The following EPHB1 variants were observed in gnomAD, a reference collection of about 807,000 sequenced individuals.
EPHB1 encodes EPH receptor B1.
A neutral mutation model predicts 94.4 loss-of-function variants in EPHB1; 30 were observed. That is an observed-to-expected ratio of 0.32 (90% CI 0.24 to 0.43). The LOEUF is 0.43. Among genes scored for constraint, EPHB1 ranks in the 20% least tolerant of loss-of-function variants. EPHB1 has a pLI of 1.00. For synonymous variants in EPHB1, 522 were observed against 489.1 expected (o/e 1.07, Z -0.89); for missense variants, 1,055 against 1,308.3 (o/e 0.81, Z 2.99).
intron 5 of EPHB1, among the ~76,000 whole-genome samples, chr3:135,152,298 A>T (rs1941218686): frequency 6.6e-6 from 1 of 152,252 alleles, no homozygotes; most frequent in Non-Finnish European, 1.5e-5. Context: ...ATAACTTTCA[A>T]ATAAAGATCG....
chr3:135,039,322 C>T (rs1011755668), intron 3 of EPHB1, among the ~76,000 whole-genome samples: 5 of 152,232 alleles, frequency 3.3e-5, no homozygotes, highest in Admixed American at 1.3e-4. Context: ...GATATAAAGA[C>T]TCTCCACGTC....
At chr3:134,873,407 A>G (rs891925108) in intron 1 of EPHB1, among the ~76,000 whole-genome samples, 2 of 152,186 alleles carry the variant, frequency 1.3e-5, no homozygotes, top group East Asian at 3.8e-4. Flanking sequence ...AATTTATATG[A>G]CCTAGATGGT....
chr3:135,205,130 A>AT (rs1942867709), intron 12 of EPHB1, among the ~76,000 whole-genome samples: 1 of 151,984 alleles, frequency 6.6e-6, no homozygotes, highest in Non-Finnish European at 1.5e-5. Flanking sequence ...GGATCTCATT[A>AT]TTTTTTATGG....
At chr3:135,242,931 C>T (rs1293294985) in intron 13 of EPHB1, among the ~76,000 whole-genome samples, 1 of 151,916 alleles carries the variant, frequency 6.6e-6, no homozygotes, top group East Asian at 1.9e-4. Context: ...TACAAATTAG[C>T]CAGGTATGGT....
chr3:135,157,412 C>G (rs1390578813), intron 6 of EPHB1, among the ~76,000 whole-genome samples: 1 of 152,194 alleles, frequency 6.6e-6, no homozygotes, highest in Non-Finnish European at 1.5e-5. Context: ...TACAGCTTTC[C>G]CTTGAAAACT....
chr3:135,015,001 C>T (rs1935745241), intron 3 of EPHB1, among the ~76,000 whole-genome samples: 1 of 152,092 alleles, frequency 6.6e-6, no homozygotes, highest in African/African-American at 2.4e-5. Context: ...ACAAAAGGAC[C>T]CTGGGCTGCA....
chr3:134,934,711 G>A (rs1314092453), intron 2 of EPHB1, among the ~76,000 whole-genome samples: 1 of 150,152 alleles, frequency 6.7e-6, no homozygotes, highest in African/African-American at 2.4e-5. Context: ...AGGGGAGTGG[G>A]AGAGAGAAAG....
chr3:135,249,264 G>C (rs1384069935), intron 14 of EPHB1, 72 bp from the exon 15 acceptor site: 1 of 1,515,108 alleles, frequency 6.6e-7, no homozygotes, highest in Non-Finnish European at 8.9e-7. Flanking sequence ...GAAGTCAGCT[G>C]TCAGGCCAGA....
intron 3 of EPHB1, among the ~76,000 whole-genome samples, chr3:135,060,782 G>A (rs975659047): frequency 3.3e-5 from 5 of 151,980 alleles, no homozygotes; most frequent in African/African-American, 1.2e-4. Flanking sequence ...TATCCTTTGT[G>A]TTATAAACAA....
At chr3:135,021,155 G>A (rs1183567712) in intron 3 of EPHB1, among the ~76,000 whole-genome samples, 4 of 151,958 alleles carry the variant, frequency 2.6e-5, no homozygotes, top group Non-Finnish European at 5.9e-5. Context: ...TAATTCCTTT[G>A]CCTATTCATT....
intron 2 of EPHB1, among the ~76,000 whole-genome samples, chr3:134,941,745 G>GCACACACA (rs1491550727): frequency 8.6e-5 from 8 of 92,712 alleles, no homozygotes; most frequent in South Asian, 7.3e-4. Context: ...CTTTACATAT[G>GCACACACA]CACACAGACA....
At chr3:134,835,601 C>T (rs1327753230) in intron 1 of EPHB1, among the ~76,000 whole-genome samples, 2 of 152,178 alleles carry the variant, frequency 1.3e-5, no homozygotes, top group South Asian at 2.1e-4. Context: ...AAGCAGGAGC[C>T]AAGATTCCAG....
At chr3:135,122,796 A>C (rs778858500) in intron 4 of EPHB1, among the ~76,000 whole-genome samples, 1 of 152,338 alleles carries the variant, frequency 6.6e-6, no homozygotes, top group East Asian at 1.9e-4. Context: ...AATGTGTAGC[A>C]CTAGGCTCTT....
intron 3 of EPHB1, among the ~76,000 whole-genome samples, chr3:134,999,582 C>G (rs1935109389): frequency 6.6e-6 from 1 of 152,198 alleles, no homozygotes; most frequent in South Asian, 2.1e-4. Context: ...GAGCTGCTCA[C>G]TCCTCACCTC....
At position 135,228,491 on chromosome 3, in the gene EPHB1, T is replaced by C. The variant is rs1297257832; in HGVS notation, c.2347-12657T>C. 2.6e-5 allele frequency among the ~76,000 whole-genome samples: 4 copies of C among 152,212 alleles called. No homozygotes were observed. In the East Asian group the frequency reaches 5.8e-4, roughly 22 times the overall value. On this transcript the variant is annotated intron_variant, in intron 12 of 15. Coordinates refer to ENST00000398015, the MANE Select transcript of EPHB1 (RefSeq NM_004441.5). ...TTATATTCTTGCATAGCTTACGAGA[T>C]TTGCCCATTTTCACATCCTCTTCCT...
At chr3:134,910,012 A>C (rs539777381) in intron 1 of EPHB1, among the ~76,000 whole-genome samples, 1 of 152,196 alleles carries the variant, frequency 6.6e-6, no homozygotes, top group Non-Finnish European at 1.5e-5. Flanking sequence ...GCTGCCTCCT[A>C]GTCCATTCCC....
intron 1 of EPHB1, among the ~76,000 whole-genome samples, chr3:134,866,010 A>C (rs2037369109): frequency 6.6e-6 from 1 of 152,222 alleles, no homozygotes; most frequent in Non-Finnish European, 1.5e-5. Flanking sequence ...GCAGATGGTT[A>C]ACGGGAAAGG....
chr3:134,808,787 A>G (rs1162925287), intron 1 of EPHB1, among the ~76,000 whole-genome samples: 12 of 152,210 alleles, frequency 7.9e-5, no homozygotes. Context: ...TCAAATTTAA[A>G]GTGCTGAATA....
At chr3:135,046,589 T>G (rs1937007610) in intron 3 of EPHB1, among the ~76,000 whole-genome samples, 1 of 152,200 alleles carries the variant, frequency 6.6e-6, no homozygotes, top group African/African-American at 2.4e-5. Context: ...TTTGGGCAAG[T>G]TATACAATTT....
Sources: allele counts gnomAD v4.1 joint callset (sites outside exome capture counted in the v4.1 genomes callset), GRCh38; gene constraint gnomAD v4.1.1; transcripts MANE v1.5; gene names NCBI Gene and HGNC (gene_info 2026-07-23, HGNC 2026-07-21).